Variants in AUH observed in about 807,000 individuals in gnomAD.
AUH encodes the protein AU RNA binding methylglutaconyl-CoA hydratase, also known as methylglutaconyl-CoA hydratase, mitochondrial.
AUH carries 29 observed loss-of-function variants against 42.3 expected under a neutral mutation model. The observed-to-expected ratio is 0.69, with a 90% CI of 0.51 to 0.93. The LOEUF (loss-of-function observed/expected upper bound fraction) is 0.93. AUH is among the 40% of genes least tolerant of loss of function. The pLI, the probability that AUH is intolerant of heterozygous loss-of-function variation, is 0.00. For missense variants in AUH, 452 were observed against 438.1 expected (o/e 1.03, Z -0.28); for synonymous variants, 174 against 166.4 (o/e 1.05, Z -0.35).
At chr9:91,237,104 G>C (rs1828232689) in intron 6 of AUH, among the ~76,000 whole-genome samples, 1 of 152,154 alleles carries the variant, frequency 6.6e-6, no homozygotes, top group Non-Finnish European at 1.5e-5. Context: ...CCTCCTATGT[G>C]GCATTAAACA....
At chr9:91,361,562 C>T (rs956515051) in intron 1 of AUH, 66 bp downstream of exon 1, 2 of 1,542,544 alleles carry the variant, frequency 1.3e-6, no homozygotes, top group African/African-American at 2.8e-5. Context: ...GACGCTGCAC[C>T]TTATGCCCGT....
intron 6 of AUH, among the ~76,000 whole-genome samples, chr9:91,280,819 G>A (rs1171019117): frequency 6.6e-6 from 1 of 152,124 alleles, no homozygotes. Context: ...TCTATTTTGA[G>A]CTAATTTTGG....
At chr9:91,278,831 G>A (rs1825745293) in intron 6 of AUH, among the ~76,000 whole-genome samples, 1 of 152,148 alleles carries the variant, frequency 6.6e-6, no homozygotes, top group African/African-American at 2.4e-5. Flanking sequence ...AGCGACATGA[G>A]CCCTTAGACT....
intron 4 of AUH, among the ~76,000 whole-genome samples, chr9:91,320,150 C>T (rs1206215537): frequency 2.0e-5 from 3 of 152,172 alleles, no homozygotes; most frequent in African/African-American, 7.2e-5. Context: ...TATAATCATT[C>T]AGTTTTAGTA....
At position 91,313,727 on chromosome 9, in the gene AUH, A is replaced by G. The variant is rs146755604; in HGVS notation, c.505+11591T>C. Among the ~76,000 whole-genome samples, 605 of 151,368 alleles carry G rather than the reference A, an allele frequency of 4.0e-3. 3 individuals are homozygous for G. The highest frequency in any genetic ancestry group is 4.6e-3 in the Non-Finnish European group (311 of 67,840). ...ACTCCGTCTCAAAAAAAAAAAAAAA[A>G]AAAAGAAAATGAACAAACTTTATGA... On this transcript the variant is annotated intron_variant, in intron 4 of 9. Coordinates refer to ENST00000375731, the MANE Select transcript of AUH (RefSeq NM_001698.3).
intron 4 of AUH, among the ~76,000 whole-genome samples, chr9:91,321,314 A>G (rs1302071569): frequency 6.6e-6 from 1 of 152,170 alleles, no homozygotes; most frequent in African/African-American, 2.4e-5. Context: ...ACTATTCAAG[A>G]TGTTCTAAGT....
chr9:91,354,237 A>C (rs1832236480), intron 3 of AUH, among the ~76,000 whole-genome samples: 1 of 152,178 alleles, frequency 6.6e-6, no homozygotes, highest in African/African-American at 2.4e-5. Flanking sequence ...TATACACTGA[A>C]TTACTAAAAG....
chr9:91,345,000 C>A, intron 3 of AUH, among the ~76,000 whole-genome samples: 1 of 144,236 alleles, frequency 6.9e-6, no homozygotes. Flanking sequence ...AAATTCAATA[C>A]ATGTTCATGA....
At chr9:91,239,379 C>T (rs1828372463) in intron 6 of AUH, among the ~76,000 whole-genome samples, 1 of 152,168 alleles carries the variant, frequency 6.6e-6, no homozygotes, top group African/African-American at 2.4e-5. Flanking sequence ...AAAAGCCCCA[C>T]TTCAGGTTGT....
At chr9:91,317,176 C>T (rs971647003) in intron 4 of AUH, among the ~76,000 whole-genome samples, 14 of 152,110 alleles carry the variant, frequency 9.2e-5, no homozygotes, top group African/African-American at 2.9e-4. Context: ...AATGGCAAGA[C>T]GCTTCATTTT....
intron 6 of AUH, among the ~76,000 whole-genome samples, chr9:91,267,765 C>T (rs1386326389): frequency 1.3e-5 from 2 of 152,074 alleles, no homozygotes; most frequent in Non-Finnish European, 2.9e-5. Flanking sequence ...TCCAGGCAGG[C>T]AGGGCAGAAA....
At chr9:91,310,883 A>C (rs868482404) in intron 4 of AUH, among the ~76,000 whole-genome samples, 22 of 152,336 alleles carry the variant, frequency 1.4e-4, no homozygotes, top group South Asian at 8.3e-4. Context: ...GGCCAAGATG[A>C]AAGTTTGATA....
At chr9:91,250,824 T>C (rs1314805450) in intron 6 of AUH, among the ~76,000 whole-genome samples, 1 of 152,246 alleles carries the variant, frequency 6.6e-6, no homozygotes, top group Non-Finnish European at 1.5e-5. Flanking sequence ...TCTGTCAGAC[T>C]GCGGATGACC....
intron 4 of AUH, among the ~76,000 whole-genome samples, chr9:91,314,691 G>A (rs547981254): frequency 1.3e-5 from 2 of 151,984 alleles, no homozygotes; most frequent in East Asian, 1.9e-4. Flanking sequence ...TGTGATGGGA[G>A]GTCAGACCAT....
chr9:91,322,373 C>T (rs942606826), intron 4 of AUH, among the ~76,000 whole-genome samples: 4 of 152,166 alleles, frequency 2.6e-5, no homozygotes, highest in African/African-American at 9.7e-5. Flanking sequence ...AGCTCTCTGA[C>T]CAACTTCTAA....
intron 4 of AUH, among the ~76,000 whole-genome samples, chr9:91,321,940 A>G (rs979954034): frequency 6.6e-6 from 1 of 152,202 alleles, no homozygotes; most frequent in Non-Finnish European, 1.5e-5. Flanking sequence ...AATATTTACT[A>G]TATGACCCTT....
intron 6 of AUH, among the ~76,000 whole-genome samples, chr9:91,251,665 C>T (rs1829133619): frequency 1.3e-5 from 2 of 152,190 alleles, no homozygotes; most frequent in Admixed American, 6.5e-5. Context: ...CCATTTACTC[C>T]TGCTGCTCCT....
rs547480878 is a variant in AUH at position 91,334,362 on chromosome 9, A to G, written c.419-8958T>C. Among the ~76,000 whole-genome samples, 4 of 126,226 alleles carry G rather than the reference A, an allele frequency of 3.2e-5. No individual in the cohort carries two copies. The East Asian group carries it at 1.1e-3, about 34-fold the overall frequency. 82.8% of individuals were successfully genotyped at this position (126,226 alleles called of 152,430 possible). ...AGCAGCCCTTCCCATGTGGGTAGCC[A>G]TCATCCAATTCCCTGAGGGCCTCAA... On this transcript the variant is annotated intron_variant, in intron 3 of 9. Coordinates refer to ENST00000375731, the MANE Select transcript of AUH (RefSeq NM_001698.3).
At chr9:91,245,760 G>C (rs1828757731) in intron 6 of AUH, among the ~76,000 whole-genome samples, 1 of 152,150 alleles carries the variant, frequency 6.6e-6, no homozygotes, top group Non-Finnish European at 1.5e-5. Flanking sequence ...AGAAAACGGA[G>C]GCCTAAGGTA....
Sources: gnomAD v4.1 joint callset for allele counts (sites outside exome capture counted in the v4.1 genomes callset) on GRCh38, gnomAD v4.1.1 for gene constraint, MANE v1.5 for transcripts, NCBI Gene and HGNC (gene_info 2026-07-23, HGNC 2026-07-21) for gene names.